The following LRFN5 variants were observed in gnomAD, a reference collection of about 807,000 sequenced individuals.
LRFN5 encodes the protein leucine-rich repeat and fibronectin type-III domain-containing protein 5.
LRFN5 carries 24 observed loss-of-function variants against 45.6 expected under a neutral mutation model. The observed-to-expected ratio is 0.53, with a 90% confidence interval of 0.38 to 0.74. The LOEUF (loss-of-function observed/expected upper bound fraction) is 0.74. Ranked by LOEUF, LRFN5 falls within the 30% of genes least tolerant of loss-of-function variation. LRFN5 has a pLI of 0.00. For synonymous variants in LRFN5, 340 were observed against 313.8 expected (o/e 1.08, Z -0.88); for missense variants, 776 against 861.5 (o/e 0.90, Z 1.24).
At chr14:41,722,833 T>A (rs577919866) in intron 1 of LRFN5, among the ~76,000 whole-genome samples, 2 of 152,296 alleles carry the variant, frequency 1.3e-5, no homozygotes, top group Admixed American at 1.3e-4. Context: ...ATTCATGGAA[T>A]ACACAATGTT....
intron 1 of LRFN5, among the ~76,000 whole-genome samples, chr14:41,740,253 A>G (rs1354630636): frequency 3.9e-5 from 6 of 152,038 alleles, no homozygotes; most frequent in African/African-American, 1.2e-4. Context: ...AAAGAAAACA[A>G]CAGGCCAAAA....
intron 4 of LRFN5, chr14:41,892,953 G>A: frequency 3.0e-6 from 3 of 985,182 alleles, no homozygotes; most frequent in Non-Finnish European, 3.6e-6. Context: ...ATACAAGACT[G>A]CCTTTATCAA....
chr14:41,841,087 A>C (rs958858393), intron 2 of LRFN5, among the ~76,000 whole-genome samples: 4 of 151,808 alleles, frequency 2.6e-5, no homozygotes, highest in African/African-American at 4.8e-5. Context: ...GAAAAAAAAA[A>C]CCACTTTTCT....
intron 2 of LRFN5, among the ~76,000 whole-genome samples, chr14:41,843,354 G>A (rs976900131): frequency 1.6e-4 from 24 of 151,926 alleles, no homozygotes; most frequent in Non-Finnish European, 2.4e-4. Flanking sequence ...TTAGGCTCTC[G>A]AAGTGCTGGG....
At chr14:41,723,485 G>A (rs1046854181) in intron 1 of LRFN5, among the ~76,000 whole-genome samples, 4 of 152,172 alleles carry the variant, frequency 2.6e-5, no homozygotes, top group Admixed American at 6.5e-5. Flanking sequence ...CAGGAAGGAT[G>A]GGACAGCTCA....
At position 41,794,411 on chromosome 14, in the gene LRFN5, A is replaced by G. The variant is rs145961362; in HGVS notation, c.-21+27382A>G. 4.9e-3 allele frequency among the ~76,000 whole-genome samples: 743 copies of G among 152,216 alleles called. 18 individuals are homozygous for G. The South Asian group carries it at 0.057, about 12-fold the overall frequency. ...ATTAAGTTCAAATATTACCTCCTGT[A>G]AGACTTTTCTGATTCATTTAATTTC... On this transcript the variant is annotated intron_variant, in intron 2 of 5. Coordinates refer to ENST00000298119, the MANE Select transcript of LRFN5 (RefSeq NM_152447.5).
chr14:41,773,514 T>C (rs929104348), intron 2 of LRFN5, among the ~76,000 whole-genome samples: 1 of 152,186 alleles, frequency 6.6e-6, no homozygotes, highest in Non-Finnish European at 1.5e-5. Context: ...TTTTATTATA[T>C]TGTATATAAT....
In LRFN5 at chr14:41,903,666, A is replaced by T. The variant is rs1891164882; in HGVS notation, c.2143-492A>T. Among the ~76,000 whole-genome samples, 7 of 151,988 alleles carry T rather than the reference A, an allele frequency of 4.6e-5. No individual in the cohort carries two copies. In the South Asian group the frequency reaches 1.4e-3, roughly 31 times the overall value. On this transcript the variant is annotated intron_variant, in intron 5 of 5. Coordinates refer to ENST00000298119, the MANE Select transcript of LRFN5 (RefSeq NM_152447.5). ...TTCCATTTATTTTGTTTTGTGGGTG[A>T]AAAACTGATTAGTTAAGGTGAATAA...
At chr14:41,787,767 A>T (rs1472913863) in intron 2 of LRFN5, among the ~76,000 whole-genome samples, 1 of 150,602 alleles carries the variant, frequency 6.6e-6, no homozygotes, top group Non-Finnish European at 1.5e-5. Context: ...ATTAGTTTAT[A>T]TTTTATTTTT....
intron 5 of LRFN5, among the ~76,000 whole-genome samples, chr14:41,902,984 T>C (rs1383170621): frequency 6.6e-6 from 1 of 151,750 alleles, no homozygotes; most frequent in African/African-American, 2.4e-5. Flanking sequence ...TAAATTATGA[T>C]AATAATATCT....
chr14:41,706,203 C>T (rs76326397), intron 1 of LRFN5, among the ~76,000 whole-genome samples: 30,787 of 151,954 alleles, frequency 0.2, 3,356 homozygotes, highest in Non-Finnish European at 0.26. Flanking sequence ...CAGGTTCAAG[C>T]GATTATCCCA....
intron 2 of LRFN5, among the ~76,000 whole-genome samples, chr14:41,785,863 C>A (rs1260363883): frequency 6.6e-6 from 1 of 152,122 alleles, no homozygotes; most frequent in Non-Finnish European, 1.5e-5. Flanking sequence ...CTATGAGAAT[C>A]TAACGCCATC....
At position 41,759,448 on chromosome 14, in the gene LRFN5, T is replaced by TAC. The variant is rs569216156; in HGVS notation, c.-196-7356_-196-7355dup. On this transcript the variant is annotated intron_variant, in intron 1 of 5. Transcript: ENST00000298119. The stretch of plus-strand genomic sequence containing the variant: ...CATTATAAAGTATATTCTCTCTCTC[T>TAC]ACACACACACACACACACACACACA... 5.1e-3 allele frequency among the ~76,000 whole-genome samples: 563 copies of TAC among 109,674 alleles called. 2 individuals are homozygous for TAC. Among genetic ancestry groups the TAC allele is most frequent in the African/African-American group, 0.013 (373 of 28,886 alleles). 72.0% of individuals were successfully genotyped at this position (109,674 alleles called of 152,430 possible). A position where few individuals can be genotyped will look rare whatever the true frequency, so the allele number is the denominator to read the frequency against.
intron 1 of LRFN5, among the ~76,000 whole-genome samples, chr14:41,683,462 A>C (rs1881991915): frequency 6.6e-6 from 1 of 152,186 alleles, no homozygotes; most frequent in Admixed American, 6.5e-5. Context: ...GGGGTGTCCT[A>C]TCTAGAGCAG....
At chr14:41,878,881 A>C (rs1162968726) in intron 2 of LRFN5, among the ~76,000 whole-genome samples, 2 of 152,136 alleles carry the variant, frequency 1.3e-5, no homozygotes, top group African/African-American at 4.8e-5. Context: ...TAATATAATA[A>C]ATATGTCAAG....
chr14:41,765,358 A>G (rs1192656618), intron 1 of LRFN5, among the ~76,000 whole-genome samples: 3 of 76,530 alleles, frequency 3.9e-5, no homozygotes, highest in Non-Finnish European at 9.4e-5. Flanking sequence ...AAAGGAGGAA[A>G]AAAAAAAAAA....
chr14:41,816,486 ATGTT>A (rs997031884), intron 2 of LRFN5, among the ~76,000 whole-genome samples: 2 of 151,914 alleles, frequency 1.3e-5, no homozygotes, highest in Admixed American at 6.6e-5. Context: ...AATTTCCTCA[ATGTT>A]TGTTTGTCTG....
chr14:41,630,660 A>C lies in LRFN5; in HGVS notation c.-197+22098A>C, dbSNP rs151218615. On this transcript the variant is annotated intron_variant, in intron 1 of 5. Coordinates refer to ENST00000298119, the MANE Select transcript of LRFN5 (RefSeq NM_152447.5). ...TTGCACTATATACTTTTGAGAGAAC[A>C]TAAATGGGAAAAGATAATTTTCTTT... is the stretch of plus-strand genomic sequence containing the variant. Among the ~76,000 whole-genome samples, 386 of 152,238 alleles carry C rather than the reference A, an allele frequency of 2.5e-3. 3 individuals are homozygous for C. The highest frequency in any genetic ancestry group is 9.0e-3 in the African/African-American group (376 of 41,558).
chr14:41,801,784 A>C (rs1887344185), intron 2 of LRFN5, among the ~76,000 whole-genome samples: 1 of 152,152 alleles, frequency 6.6e-6, no homozygotes, highest in Non-Finnish European at 1.5e-5. Flanking sequence ...AGAATGAAAG[A>C]ATGCCTTAAA....
Sources: gnomAD v4.1 joint callset for allele counts (sites outside exome capture counted in the v4.1 genomes callset) on GRCh38, gnomAD v4.1.1 for gene constraint, MANE v1.5 for transcripts, NCBI Gene and HGNC (gene_info 2026-07-23, HGNC 2026-07-21) for gene names.